STAM: variants seen among roughly 807,000 people sequenced by gnomAD.
STAM encodes the protein signal transducing adapter molecule 1.
In STAM, 16 loss-of-function variants were observed where a neutral mutation model predicts 63.4. The observed-to-expected ratio is 0.25, with a 90% CI of 0.17 to 0.38. The LOEUF is 0.38. Ranked by LOEUF, STAM falls within the 10% of genes least tolerant of loss-of-function variation. STAM has a pLI of 1.00. For missense variants in STAM, 636 were observed against 657.1 expected (o/e 0.97, Z 0.35); for synonymous variants, 238 against 223.9 (o/e 1.06, Z -0.56).
At chr10:17,685,570 A>G (rs559478446) in intron 4 of STAM, among the ~76,000 whole-genome samples, 3 of 152,266 alleles carry the variant, frequency 2.0e-5, no homozygotes, top group Admixed American at 1.3e-4. Context: ...GGTTTAAGGA[A>G]TTTGGCTCAG....
intron 12 of STAM, among the ~76,000 whole-genome samples, chr10:17,707,828 T>TA (rs1489762881): frequency 6.6e-6 from 1 of 151,588 alleles, no homozygotes; most frequent in Non-Finnish European, 1.5e-5. Flanking sequence ...CTCTTTAGAT[T>TA]AAAAAAATGC....
At chr10:17,666,387 A>ATTTTTTTTTT (rs10673746) in intron 2 of STAM, among the ~76,000 whole-genome samples, 10 of 85,912 alleles carry the variant, frequency 1.2e-4, no homozygotes, top group African/African-American at 4.0e-4. Flanking sequence ...TTGGCTTTGT[A>ATTTTTTTTTT]TTTTTTTTTT....
chr10:17,674,690 G>T (rs1834773780), intron 2 of STAM, among the ~76,000 whole-genome samples: 1 of 152,188 alleles, frequency 6.6e-6, no homozygotes, highest in Non-Finnish European at 1.5e-5. Context: ...AGTCACTGAA[G>T]TCAGTCCAGG....
At chr10:17,653,147 G>A (rs1159824057) in intron 1 of STAM, among the ~76,000 whole-genome samples, 5 of 152,154 alleles carry the variant, frequency 3.3e-5, no homozygotes, top group African/African-American at 1.2e-4. Flanking sequence ...TCCTGGGAAG[G>A]ATAGGGACCT....
At chr10:17,688,393 C>G (rs1835382937) in intron 5 of STAM, among the ~76,000 whole-genome samples, 1 of 152,288 alleles carries the variant, frequency 6.6e-6, no homozygotes, top group Middle Eastern at 3.4e-3. Context: ...TTAATGTGCT[C>G]TAACCTCTCT....
At chr10:17,645,779 A>G (rs1833497350) in intron 1 of STAM, among the ~76,000 whole-genome samples, 1 of 152,218 alleles carries the variant, frequency 6.6e-6, no homozygotes, top group South Asian at 2.1e-4. Flanking sequence ...CATAAGAGAT[A>G]CAGTGATGAG....
intron 1 of STAM, among the ~76,000 whole-genome samples, chr10:17,653,783 A>T (rs186399033): frequency 2.6e-5 from 4 of 152,318 alleles, no homozygotes; most frequent in African/African-American, 9.6e-5. Flanking sequence ...ATGCCATTTT[A>T]TATTAGGGAC....
intron 2 of STAM, among the ~76,000 whole-genome samples, chr10:17,672,465 C>A (rs189280764): frequency 6.6e-6 from 1 of 152,178 alleles, no homozygotes; most frequent in African/African-American, 2.4e-5. Flanking sequence ...AGATTTTTTC[C>A]CAAAAAACTT....
At chr10:17,698,256 A>G (rs1031507014) in intron 8 of STAM, among the ~76,000 whole-genome samples, 23 of 152,128 alleles carry the variant, frequency 1.5e-4, no homozygotes, top group African/African-American at 5.6e-4. Flanking sequence ...TTTAAATGGC[A>G]TTGCGTAGTG....
At chr10:17,707,181 G>T (rs571117672) in intron 12 of STAM, among the ~76,000 whole-genome samples, 1 of 151,962 alleles carries the variant, frequency 6.6e-6, no homozygotes, top group Admixed American at 6.6e-5. Context: ...AGGCCGAGGC[G>T]GGTGGATCAC....
chr10:17,689,585 G>T (rs1835443601), intron 5 of STAM, among the ~76,000 whole-genome samples: 1 of 152,144 alleles, frequency 6.6e-6, no homozygotes, highest in African/African-American at 2.4e-5. Flanking sequence ...TCTAGAATCT[G>T]TATAATTAAG....
chr10:17,699,510 G>T (rs1023210629), intron 8 of STAM, among the ~76,000 whole-genome samples: 6 of 152,200 alleles, frequency 3.9e-5, no homozygotes, highest in African/African-American at 1.4e-4. Flanking sequence ...TTGCTTTGGT[G>T]AGTAGGAGAA....
chr10:17,659,592 C>G (rs1433592960), intron 1 of STAM, among the ~76,000 whole-genome samples: 1 of 150,612 alleles, frequency 6.6e-6, no homozygotes, highest in Non-Finnish European at 1.5e-5. Context: ...CTTCAGCCTT[C>G]TCGGTAGCTG....
chr10:17,668,707 T>A (rs1358318974), intron 2 of STAM, among the ~76,000 whole-genome samples: 24 of 152,218 alleles, frequency 1.6e-4, no homozygotes, highest in African/African-American at 5.8e-4. Flanking sequence ...GTAATTGGGA[T>A]CGTAGACTAT....
chr10:17,679,335 A>G (rs1834986301), intron 2 of STAM, among the ~76,000 whole-genome samples: 1 of 152,140 alleles, frequency 6.6e-6, no homozygotes, highest in African/African-American at 2.4e-5. Flanking sequence ...AGCATTTGTT[A>G]TGTGCTTATT....
chr10:17,713,981 C>T (rs1273362891), intron 13 of STAM, among the ~76,000 whole-genome samples: 5 of 152,104 alleles, frequency 3.3e-5, no homozygotes, highest in African/African-American at 1.2e-4. Flanking sequence ...CCCCCTCTGC[C>T]GCAGCACTCG....
At chr10:17,666,605 G>A (rs1425992710) in intron 2 of STAM, among the ~76,000 whole-genome samples, 3 of 151,932 alleles carry the variant, frequency 2.0e-5, no homozygotes, top group African/African-American at 4.8e-5. Flanking sequence ...CACCGTGTTA[G>A]CCAGGATGGT....
At chr10:17,700,742 C>A (rs1015465900) in intron 9 of STAM, among the ~76,000 whole-genome samples, 2 of 152,052 alleles carry the variant, frequency 1.3e-5, no homozygotes, top group African/African-American at 4.8e-5. Flanking sequence ...TCATATCATG[C>A]GAGAACTCCT....
At chr10:17,676,005 T>G (rs1253202954) in intron 2 of STAM, among the ~76,000 whole-genome samples, 1 of 152,140 alleles carries the variant, frequency 6.6e-6, no homozygotes, top group Admixed American at 6.5e-5. Flanking sequence ...TACCATTAGA[T>G]CAGAGAAGTG....
Sources: allele counts gnomAD v4.1 joint callset (sites outside exome capture counted in the v4.1 genomes callset), GRCh38; gene constraint gnomAD v4.1.1; transcripts MANE v1.5; gene names NCBI Gene and HGNC (gene_info 2026-07-23, HGNC 2026-07-21).